ZBTB17: variants seen among roughly 807,000 people sequenced by gnomAD.
ZBTB17 encodes the protein zinc finger and BTB domain-containing protein 17.
In ZBTB17, 24 loss-of-function variants were observed where a neutral mutation model predicts 85.1. The ratio of observed to expected loss-of-function variants is 0.28; its 90% confidence interval spans 0.20 to 0.40. ZBTB17 has a LOEUF of 0.40. Ranked by LOEUF, ZBTB17 falls within the 10% of genes least tolerant of loss-of-function variation. The pLI is 1.00. For synonymous variants in ZBTB17, 464 were observed against 460.2 expected, an observed-to-expected ratio of 1.01 and a Z score of -0.11; for missense variants, 743 against 1,105.1, an observed-to-expected ratio of 0.67 and a Z score of 4.65.
At chr1:15,965,621 G>A (rs2072416136) in intron 2 of ZBTB17, among the ~76,000 whole-genome samples, 1 of 152,200 alleles carries the variant, frequency 6.6e-6, no homozygotes, top group Non-Finnish European at 1.5e-5. Context: ...TCCCGGGAAT[G>A]TGAACAGTGG....
chr1:15,945,441 C>A (rs1045460469), intron 6 of ZBTB17, among the ~76,000 whole-genome samples: 4 of 152,194 alleles, frequency 2.6e-5, no homozygotes, highest in Non-Finnish European at 5.9e-5. Context: ...GGCAAGGCAC[C>A]CCTGCACGGT....
At chr1:15,944,225 C>T (rs2071488669) in intron 9 of ZBTB17, 75 bp downstream of exon 9, 1 of 1,534,770 alleles carries the variant, frequency 6.5e-7, no homozygotes, top group East Asian at 2.4e-5. Flanking sequence ...TCCCCGCCCG[C>T]CCCACCACGT....
intron 1 of ZBTB17, among the ~76,000 whole-genome samples, chr1:15,974,509 A>G (rs1394576687): frequency 6.6e-6 from 1 of 151,558 alleles, no homozygotes; most frequent in East Asian, 1.9e-4. Context: ...CCATTAACCT[A>G]AAGTTTAAAG....
chr1:15,944,338 C>T lies in ZBTB17; in HGVS notation c.1333G>A (p.Glu445Lys), dbSNP rs771236155. Residue 445 changes from glutamate (E) to lysine (K), a missense_variant, in exon 9 of 16, where the codon GAG becomes AAG. Transcript: ENST00000375743. Reference protein sequence around the residue: ...RHLETHDTDKEHKCPHCDKKF... With the variant: ...RHLETHDTDKKHKCPHCDKKF... ...TTGTCGCAGTGTGGGCACTTGTGCT[C>T]CTTGTCCGTGTCGTGGGTCTCCAGG... 47 of 1,555,912 alleles carry T rather than the reference C, an allele frequency of 3.0e-5. No individual in the cohort carries two copies. Among genetic ancestry groups the T allele is most frequent in the Non-Finnish European group, 4.0e-5 (46 of 1,149,896 alleles).
intron 2 of ZBTB17, among the ~76,000 whole-genome samples, chr1:15,965,011 G>A (rs1355122293): frequency 6.6e-6 from 1 of 151,904 alleles, no homozygotes; most frequent in East Asian, 1.9e-4. Context: ...CTACTCAGGA[G>A]GCTGAGGCAG....
At chr1:15,958,687 T>C (rs1047593011) in intron 2 of ZBTB17, among the ~76,000 whole-genome samples, 2 of 151,926 alleles carry the variant, frequency 1.3e-5, no homozygotes, top group Non-Finnish European at 2.9e-5. Context: ...AGAAGGACAG[T>C]GTGATGAGTG....
chr1:15,957,287 G>A (rs1406410718), intron 2 of ZBTB17, among the ~76,000 whole-genome samples: 1 of 152,140 alleles, frequency 6.6e-6, no homozygotes, highest in Non-Finnish European at 1.5e-5. Context: ...GCCACTGTAT[G>A]CCCAGGGACC....
chr1:15,952,582 T>C lies in ZBTB17; in HGVS notation c.-2-4085A>G, dbSNP rs528577373. Among the ~76,000 whole-genome samples, 1 of 152,368 alleles carries C rather than the reference T, an allele frequency of 6.6e-6. No individual in the cohort carries two copies. The highest frequency in any genetic ancestry group is 6.5e-5 in the Admixed American group (1 of 15,300). On this transcript the variant is annotated intron_variant, in intron 2 of 15. Transcript: ENST00000375743. This position sits in a 1 kb window ranked among gnomAD's most constrained non-coding sequence, Gnocchi z 4.3. Reference sequence around the variant, plus strand: ...AATCTGGATGGCCCAGAGACGACTCTGACATCAGGATGCTGGGACTGTGCC... The same window carrying C: ...AATCTGGATGGCCCAGAGACGACTCCGACATCAGGATGCTGGGACTGTGCC...
Position 15,951,954 on chromosome 1 carries a change from C to T in ZBTB17, c.-2-3457G>A, listed in dbSNP as rs2071870598. Among the ~76,000 whole-genome samples the T allele has an allele frequency of 6.6e-6, 1 of 152,108 alleles. No individual in the cohort carries two copies. The highest frequency in any genetic ancestry group is 6.5e-5 in the Admixed American group (1 of 15,278). On this transcript the variant is annotated intron_variant, in intron 2 of 15. Transcript: ENST00000375743. The surrounding 1 kb of genome is among the most constrained non-coding windows in gnomAD (Gnocchi z 4.1). Reference sequence around the variant, plus strand: ...GAACACAGGGTGAAGAAATACTGTTCCCACCAGGCAGCCTGCCCCACCCCA... The same window carrying T: ...GAACACAGGGTGAAGAAATACTGTTTCCACCAGGCAGCCTGCCCCACCCCA...
At chr1:15,942,812 C>T (rs551534974) in intron 13 of ZBTB17, 74 bp from the exon 14 acceptor site, 10 of 1,545,478 alleles carry the variant, frequency 6.5e-6, no homozygotes, top group African/African-American at 4.1e-5. Context: ...CTCAATGACT[C>T]GTTTGCCCAG....
intron 2 of ZBTB17, among the ~76,000 whole-genome samples, chr1:15,955,846 C>T (rs2148786903): frequency 6.6e-6 from 1 of 152,296 alleles, no homozygotes; most frequent in Admixed American, 6.5e-5. Context: ...CACTGCACTC[C>T]AGCCTAGGTG....
chr1:15,954,990 C>A (rs1323512282), intron 2 of ZBTB17, among the ~76,000 whole-genome samples: 1 of 152,222 alleles, frequency 6.6e-6, no homozygotes, highest in Admixed American at 6.5e-5. Context: ...CCCATTTCTA[C>A]TAAAAATACA....
intron 2 of ZBTB17, chr1:15,969,663 T>C (rs2148814135): frequency 2.2e-6 from 1 of 457,990 alleles, no homozygotes; most frequent in Non-Finnish European, 4.4e-6. Context: ...GATGTCTCTT[T>C]CTGACTGCCA....
intron 4 of ZBTB17, 31 bp from the exon 5 acceptor site, chr1:15,946,325 T>C (rs758242084): frequency 6.3e-7 from 1 of 1,592,938 alleles, no homozygotes; most frequent in Non-Finnish European, 8.6e-7. Flanking sequence ...ACCTGCCGTT[T>C]CCCATCAAGT....
At position 15,944,762 on chromosome 1, in the gene ZBTB17, C is replaced by T. The variant is rs2071520853; in HGVS notation, c.1005G>A (p.Ser335=). Residue 335 remains serine, a synonymous_variant, in exon 8 of 16, where the codon TCG becomes TCA. Coordinates refer to ENST00000375743, the MANE Select transcript of ZBTB17 (RefSeq NM_003443.3). ...IRIHTGEKPF[S]CRECSKAFSD... The stretch of plus-strand genomic sequence containing the variant: ...AAAAGGCCTTGCTGCACTCCCGGCA[C>T]GAGAAGGGCTTCTCCCCCGTGTGGA... 2 of 1,612,856 alleles carry T rather than the reference C, an allele frequency of 1.2e-6. No individual in the cohort carries two copies. Among genetic ancestry groups the T allele is most frequent in the South Asian group, 1.1e-5 (1 of 91,052 alleles).
At position 15,942,362 on chromosome 1, in the gene ZBTB17, G is replaced by C. The variant is rs1439623343; in HGVS notation, c.2097C>G (p.Ile699Met). The change falls in exon 15 of 16, where the codon ATC (isoleucine) becomes ATG (methionine). Residue 699 changes from isoleucine (I) to methionine (M), a missense_variant. Physicochemically the swap from Ile to Met is conservative, Grantham distance 10 (BLOSUM62 1). Around this residue, in one of 4 missense-constraint regions of ZBTB17, gnomAD observed 321 missense variants for 615.7 expected, o/e 0.52. Transcript: ENST00000375743. ...ADETEVLKAE[I>M]SKAVKQVQEE... ...CCTGCACTTGCTTCACAGCTTTGCT[G>C]ATCTCGGCCTTCAGGACTTCCGTCT... 1 of 1,613,906 alleles carries C rather than the reference G, an allele frequency of 6.2e-7. No homozygotes were observed. The highest frequency in any genetic ancestry group is 8.5e-7 in the Non-Finnish European group (1 of 1,180,024).
chr1:15,948,176 G>C (rs1187867753), intron 3 of ZBTB17, 115 bp downstream of exon 3: 2 of 1,232,010 alleles, frequency 1.6e-6, no homozygotes, highest in South Asian at 1.3e-5. Flanking sequence ...GCCTGTGCGG[G>C]AGGCCTGTTG....
rs140155316 is a variant in ZBTB17 at position 15,942,173 on chromosome 1, C to T, written c.2208G>A (p.Val736=). The change falls in exon 16 of 16, where the codon GTG becomes GTA. Residue 736 remains valine (V), a synonymous_variant. Coordinates refer to ENST00000375743, the MANE Select transcript of ZBTB17 (RefSeq NM_003443.3). ...FLDANSLAQH[V]RIHTAQALVM... ...CCAGTGCCTGGGCTGTGTGGATTCGCACATGCTGAGCCAGGCTGTTGGCAT... is the reference window on the plus strand; with the variant it reads ...CCAGTGCCTGGGCTGTGTGGATTCGTACATGCTGAGCCAGGCTGTTGGCAT... 8.1e-5 allele frequency: 130 copies of T among 1,613,756 alleles called. No homozygotes were observed. The African/African-American group carries it at 1.4e-3, about 18-fold the overall frequency.
intron 2 of ZBTB17, among the ~76,000 whole-genome samples, chr1:15,949,697 G>T (rs1490578711): frequency 1.3e-5 from 2 of 152,248 alleles, no homozygotes; most frequent in South Asian, 2.1e-4. Flanking sequence ...CAGCATCTTG[G>T]GGGGTGAATC....
Sources: gnomAD v4.1 joint callset for allele counts (sites outside exome capture counted in the v4.1 genomes callset) on GRCh38, gnomAD v4.1.1 for gene constraint, gnomAD v4.1.1 regional missense constraint, Gnocchi (gnomAD v3.1) non-coding constraint, MANE v1.5 for transcripts, NCBI Gene and HGNC (gene_info 2026-07-23, HGNC 2026-07-21) for gene names.